Variants in DPP10 observed in about 807,000 individuals in gnomAD.
The protein encoded by DPP10 is dipeptidyl peptidase like 10, also known as inactive dipeptidyl peptidase 10.
In DPP10, 33 loss-of-function variants were observed where a neutral mutation model predicts 120.9. That is an observed-to-expected ratio of 0.27 (90% CI 0.21 to 0.37). The LOEUF is 0.37. DPP10 is among the 10% of genes least tolerant of loss of function. The pLI is 1.00. For missense variants in DPP10, 816 were observed against 942.8 expected (o/e 0.87, Z 1.76); for synonymous variants, 337 against 326.1 (o/e 1.03, Z -0.36).
chr2:115,604,567 G>A (rs1303945722), intron 5 of DPP10, among the ~76,000 whole-genome samples: 4 of 152,118 alleles, frequency 2.6e-5, no homozygotes. Flanking sequence ...TTCACAACTA[G>A]TGTCTCTTTT....
At chr2:115,121,493 CTTCAGT>C (rs938381425) in intron 1 of DPP10, among the ~76,000 whole-genome samples, 3 of 151,862 alleles carry the variant, frequency 2.0e-5, no homozygotes, top group Admixed American at 2.0e-4. Flanking sequence ...GCTGGAACCC[CTTCAGT>C]TTAAGGCCTT....
At chr2:115,322,875 T>A (rs2062137445) in intron 2 of DPP10, among the ~76,000 whole-genome samples, 1 of 152,226 alleles carries the variant, frequency 6.6e-6, no homozygotes, top group Non-Finnish European at 1.5e-5. Context: ...ACTGCTTTAT[T>A]GTTAAAAAAA....
chr2:115,067,400 C>T (rs1253175897), intron 1 of DPP10, among the ~76,000 whole-genome samples: 1 of 151,274 alleles, frequency 6.6e-6, no homozygotes, highest in East Asian at 2.0e-4. Context: ...TACAGGCGCC[C>T]GCCACCACGC....
At chr2:115,057,303 C>A (rs1290886761) in intron 1 of DPP10, among the ~76,000 whole-genome samples, 1 of 152,132 alleles carries the variant, frequency 6.6e-6, no homozygotes, top group Non-Finnish European at 1.5e-5. Flanking sequence ...GTTTTGGCTG[C>A]AAAATGCTTT....
chr2:115,047,436 A>G lies in DPP10; in HGVS notation c.61-261803A>G, dbSNP rs182763757. Among the ~76,000 whole-genome samples, 1,007 of 152,118 alleles carry G rather than the reference A, an allele frequency of 6.6e-3. 7 individuals carry two copies. The highest frequency in any genetic ancestry group is 0.034 in the Middle Eastern group (10 of 290). ...AAACAGTGTATTCAATCTAATTTTAATGTGTCTCAACCTCAGAAAATATTT... is the reference window on the plus strand; with the variant it reads ...AAACAGTGTATTCAATCTAATTTTAGTGTGTCTCAACCTCAGAAAATATTT... On this transcript the variant is annotated intron_variant, in intron 1 of 25. Coordinates refer to ENST00000410059, the MANE Select transcript of DPP10 (RefSeq NM_020868.6).
chr2:114,643,704 A>G (rs1695886043), intron 1 of DPP10, among the ~76,000 whole-genome samples: 1 of 151,778 alleles, frequency 6.6e-6, no homozygotes. Context: ...TCTAAATACT[A>G]GGTAGATCCT....
At chr2:114,943,504 C>T (rs1697120950) in intron 1 of DPP10, among the ~76,000 whole-genome samples, 1 of 152,134 alleles carries the variant, frequency 6.6e-6, no homozygotes, top group Non-Finnish European at 1.5e-5. Flanking sequence ...GAACTCCTGA[C>T]CTCATGATCC....
At chr2:114,935,086 A>G (rs1443200712) in intron 1 of DPP10, among the ~76,000 whole-genome samples, 2 of 152,118 alleles carry the variant, frequency 1.3e-5, no homozygotes, top group Non-Finnish European at 2.9e-5. Context: ...AGAGATTTAA[A>G]ACTATACTCA....
At chr2:115,696,270 G>A (rs1390297260) in intron 7 of DPP10, among the ~76,000 whole-genome samples, 1 of 151,916 alleles carries the variant, frequency 6.6e-6, no homozygotes, top group Non-Finnish European at 1.5e-5. Flanking sequence ...ATCCAAATAG[G>A]ATGAACTCAG....
At chr2:115,614,313 C>A (rs899568938) in intron 5 of DPP10, among the ~76,000 whole-genome samples, 1 of 152,140 alleles carries the variant, frequency 6.6e-6, no homozygotes, top group Non-Finnish European at 1.5e-5. Context: ...CCACTAAGCA[C>A]CAGTCAGACA....
At chr2:114,952,358 A>C (rs1024912888) in intron 1 of DPP10, among the ~76,000 whole-genome samples, 1 of 152,190 alleles carries the variant, frequency 6.6e-6, no homozygotes, top group Non-Finnish European at 1.5e-5. Context: ...AACAAATGTA[A>C]AAACACCTGT....
intron 1 of DPP10, among the ~76,000 whole-genome samples, chr2:114,449,947 C>A (rs1369818922): frequency 1.3e-5 from 2 of 152,028 alleles, no homozygotes; most frequent in Non-Finnish European, 1.5e-5. Context: ...CATCATGAAC[C>A]TTTACCAGGG....
intron 1 of DPP10, among the ~76,000 whole-genome samples, chr2:114,467,917 G>T (rs948640346): frequency 3.9e-5 from 6 of 152,156 alleles, no homozygotes; most frequent in African/African-American, 1.4e-4. Context: ...TACTTGAGAC[G>T]CTGAGGTGGG....
chr2:114,837,310 G>A (rs1687818516), intron 1 of DPP10, among the ~76,000 whole-genome samples: 1 of 152,106 alleles, frequency 6.6e-6, no homozygotes, highest in Middle Eastern at 3.2e-3. Context: ...ACGTTCTTCT[G>A]CCATGTCTTC....
At chr2:115,099,288 TG>T (rs1354921866) in intron 1 of DPP10, among the ~76,000 whole-genome samples, 1 of 152,130 alleles carries the variant, frequency 6.6e-6, no homozygotes, top group African/African-American at 2.4e-5. Flanking sequence ...CACTCCAGCA[TG>T]GGCGACAGAA....
chr2:114,480,183 A>G (rs78946758), intron 1 of DPP10, among the ~76,000 whole-genome samples: 100,255 of 150,072 alleles, frequency 0.67, 33,698 homozygotes, highest in East Asian at 0.72. Flanking sequence ...TTAGAATGGC[A>G]ATCATTAAAA....
intron 5 of DPP10, among the ~76,000 whole-genome samples, chr2:115,624,708 T>C (rs1422875998): frequency 1.3e-5 from 2 of 152,212 alleles, no homozygotes; most frequent in African/African-American, 2.4e-5. Flanking sequence ...ATAAATATAG[T>C]TACCAACCTA....
intron 1 of DPP10, among the ~76,000 whole-genome samples, chr2:114,474,043 C>T (rs1233054904): frequency 1.3e-5 from 2 of 152,196 alleles, no homozygotes; most frequent in African/African-American, 2.4e-5. Context: ...CTGCAACCTC[C>T]GCCTCCCAGG....
chr2:115,210,262 C>G (rs2056419152), intron 1 of DPP10, among the ~76,000 whole-genome samples: 1 of 152,078 alleles, frequency 6.6e-6, no homozygotes, highest in Admixed American at 6.6e-5. Context: ...TGAGTGAGAA[C>G]ATGTGGTGTT....
Sources: gnomAD v4.1 joint callset for allele counts (sites outside exome capture counted in the v4.1 genomes callset) on GRCh38, gnomAD v4.1.1 for gene constraint, MANE v1.5 for transcripts, NCBI Gene and HGNC (gene_info 2026-07-23, HGNC 2026-07-21) for gene names.